The following ZNF831 variants were observed in gnomAD, a reference collection of about 807,000 sequenced individuals.
ZNF831 encodes the protein chromosome 20 open reading frame 174.
ZNF831 carries 59 observed loss-of-function variants against 95.8 expected under a neutral mutation model. The ratio of observed to expected loss-of-function variants is 0.62; its 90% CI spans 0.50 to 0.77. The LOEUF (loss-of-function observed/expected upper bound fraction) is 0.77. ZNF831 is among the 30% of genes least tolerant of loss of function. The pLI, the probability that ZNF831 is intolerant of heterozygous loss-of-function variation, is 0.00. For missense variants in ZNF831, 2,205 were observed against 2,164.0 expected, an observed-to-expected ratio of 1.02 and a Z score of -0.38; for synonymous variants, 961 against 925.5, an observed-to-expected ratio of 1.04 and a Z score of -0.70.
At chr20:59,182,429 A>T (rs1161572917) in intron 1 of ZNF831, among the ~76,000 whole-genome samples, 1 of 152,180 alleles carries the variant, frequency 6.6e-6, no homozygotes, top group Non-Finnish European at 1.5e-5. Flanking sequence ...AGGTTAGGGA[A>T]CTTGCTGAGC....
chr20:59,209,424 G>T (rs1218023340), intron 4 of ZNF831, among the ~76,000 whole-genome samples: 1 of 152,194 alleles, frequency 6.6e-6, no homozygotes, highest in Admixed American at 6.5e-5. Flanking sequence ...TTGGAAATCT[G>T]GATGTAGGGA....
At chr20:59,202,268 T>G (rs1424895523) in intron 3 of ZNF831, among the ~76,000 whole-genome samples, 2 of 152,064 alleles carry the variant, frequency 1.3e-5, no homozygotes, top group African/African-American at 2.4e-5. Context: ...ATTTAATTAT[T>G]TTTTTAATTT....
intron 2 of ZNF831, among the ~76,000 whole-genome samples, chr20:59,152,293 T>C (rs757275045): frequency 1.9e-4 from 28 of 151,022 alleles, no homozygotes; most frequent in Non-Finnish European, 3.1e-4. Flanking sequence ...ACAGGGACTC[T>C]GCTGCTGAGG....
intron 1 of ZNF831, among the ~76,000 whole-genome samples, chr20:59,173,847 A>G (rs1287618392): frequency 6.6e-6 from 1 of 152,148 alleles, no homozygotes; most frequent in Non-Finnish European, 1.5e-5. Flanking sequence ...GATTAGTTAC[A>G]ATGAAAGAGT....
intron 4 of ZNF831, among the ~76,000 whole-genome samples, chr20:59,236,592 C>T (rs1162336717): frequency 2.1e-5 from 3 of 143,086 alleles, no homozygotes; most frequent in African/African-American, 5.2e-5. Context: ...GGTGGGGTTG[C>T]ACCATGTTGT....
At chr20:59,135,072 C>T (rs556742069) in intron 1 of ZNF831, among the ~76,000 whole-genome samples, 37 of 152,170 alleles carry the variant, frequency 2.4e-4, no homozygotes, top group Non-Finnish European at 4.3e-4. Flanking sequence ...TAAGGAATAA[C>T]GACTATTATT....
At position 59,192,425 on chromosome 20, in the gene ZNF831, C is replaced by T. The variant is rs758719507; in HGVS notation, c.1406C>T (p.Pro469Leu). The T allele has an allele frequency of 5.0e-6, 8 of 1,610,120 alleles. No individual in the cohort carries two copies. Among genetic ancestry groups the T allele is most frequent in the Non-Finnish European group, 5.9e-6 (7 of 1,178,564 alleles). Residue 469 changes from proline (P) to leucine (L), a missense_variant, in exon 2 of 6, where the codon CCC (proline) becomes CTC (leucine). Pro to Leu is a moderately conservative substitution (Grantham distance 98). Coordinates refer to ENST00000371030, the MANE Select transcript of ZNF831 (RefSeq NM_178457.3). The surrounding 1 kb of genome is among the most constrained non-coding windows in gnomAD (Gnocchi z 5.2). ...CCAGGCCGTAGGAGGGCCCCGGGCC[C>T]CGTGCGCTCCACCTGGACGCCCCCA... Reference protein sequence around the residue: ...LEPGRRRAPGPVRSTWTPPDK... With the variant: ...LEPGRRRAPGLVRSTWTPPDK...
At chr20:59,204,549 G>A (rs1984748502) in intron 3 of ZNF831, among the ~76,000 whole-genome samples, 1 of 152,184 alleles carries the variant, frequency 6.6e-6, no homozygotes, top group Non-Finnish European at 1.5e-5. Context: ...TCTCTGTGGG[G>A]TCAAGAGAGG....
intron 3 of ZNF831, among the ~76,000 whole-genome samples, chr20:59,205,043 G>C (rs1045490199): frequency 2.6e-5 from 4 of 152,112 alleles, no homozygotes; most frequent in South Asian, 4.1e-4. Context: ...GCCTTTCCTA[G>C]CTCTCTCCTT....
chr20:59,242,992 A>G lies in ZNF831; in HGVS notation c.4028-9986A>G, dbSNP rs140336166. 8.7e-3 allele frequency among the ~76,000 whole-genome samples: 1,327 copies of G among 152,252 alleles called. 25 individuals carry two copies. The highest frequency in any genetic ancestry group is 0.031 in the African/African-American group (1,270 of 41,538). ...ACCAATCATTGTGTAATTCTGTCCT[A>G]TTTTGTTTTATCTTCAGCTACGTGT... On this transcript the variant is annotated intron_variant, in intron 4 of 5. Coordinates refer to ENST00000371030, the MANE Select transcript of ZNF831 (RefSeq NM_178457.3).
At chr20:59,145,836 AG>A (rs1345897899) in intron 1 of ZNF831, among the ~76,000 whole-genome samples, 1 of 152,148 alleles carries the variant, frequency 6.6e-6, no homozygotes, top group Non-Finnish European at 1.5e-5. Flanking sequence ...GTCGGAAAAG[AG>A]GGGACCAAGG....
chr20:59,139,172 C>T (rs1979600178), intron 1 of ZNF831, among the ~76,000 whole-genome samples: 2 of 152,094 alleles, frequency 1.3e-5, no homozygotes, highest in Non-Finnish European at 2.9e-5. Context: ...TTATTTTCTG[C>T]TTAGGCCTTG....
chr20:59,204,055 A>T (rs1984711982), intron 3 of ZNF831, among the ~76,000 whole-genome samples: 2 of 152,234 alleles, frequency 1.3e-5, no homozygotes, highest in African/African-American at 4.8e-5. Flanking sequence ...GGAACAATGA[A>T]TTGTGAAGCC....
intron 1 of ZNF831, among the ~76,000 whole-genome samples, chr20:59,180,905 G>A (rs896091621): frequency 6.6e-6 from 1 of 152,168 alleles, no homozygotes; most frequent in African/African-American, 2.4e-5. Flanking sequence ...TGGGATCGCT[G>A]GGTCAAATGG....
At chr20:59,206,321 T>G (rs1984890469) in intron 3 of ZNF831, among the ~76,000 whole-genome samples, 4 of 151,622 alleles carry the variant, frequency 2.6e-5, no homozygotes, top group Admixed American at 2.6e-4. Flanking sequence ...TGAAGAAAAT[T>G]TATTTGAAGA....
At chr20:59,163,187 TC>T (rs1479105784), upstream of ZNF831, among the ~76,000 whole-genome samples, 2 of 152,108 alleles carry the variant, frequency 1.3e-5, no homozygotes. Context: ...GGTCTAGGAG[TC>T]TTTTGGTGGC....
In ZNF831 at chr20:59,194,062, G is replaced by T. The variant is rs375577002; in HGVS notation, c.3043G>T (p.Asp1015Tyr). Residue 1015 changes from aspartate to tyrosine, a missense_variant, in exon 2 of 6, where the codon GAT becomes TAT. Asp to Tyr is a radical substitution (Grantham distance 160). Transcript: ENST00000371030. ...LEDPSCSRPQ[D>Y]GRKGAQLGGD... ...GGACCCCAGCTGTTCCAGGCCACAGGATGGGAGAAAAGGGGCACAGTTGGG... is the reference window on the plus strand; with the variant it reads ...GGACCCCAGCTGTTCCAGGCCACAGTATGGGAGAAAAGGGGCACAGTTGGG... 16 of 1,531,470 alleles carry T rather than the reference G, an allele frequency of 1.0e-5. No individual in the cohort carries two copies. Among genetic ancestry groups the T allele is most frequent in the Non-Finnish European group, 1.4e-5 (16 of 1,140,822 alleles). 94.9% of individuals were successfully genotyped at this position (1,531,470 alleles called of 1,614,324 possible). A position where few individuals can be genotyped will look rare whatever the true frequency, so the allele number is the denominator to read the frequency against.
In ZNF831 at chr20:59,194,220, C is replaced by T. The variant is rs2146595831; in HGVS notation, c.3201C>T (p.Asp1067=). The T allele has an allele frequency of 6.2e-7, 1 of 1,613,426 alleles. No individual in the cohort carries two copies. Among genetic ancestry groups the T allele is most frequent in the Non-Finnish European group, 8.5e-7 (1 of 1,179,688 alleles). ...TPTCEAHLVQ[D]MEGDSHRIHR... ...CGTGTGAGGCACACTTAGTTCAGGA[C>T]ATGGAGGGTGACAGCCACCGTATCC... is the stretch of plus-strand genomic sequence containing the variant. Residue 1067 remains aspartate (D), a synonymous_variant, in exon 2 of 6, where the codon GAC becomes GAT. Transcript: ENST00000371030.
chr20:59,167,920 G>GT (rs11477823), intron 1 of ZNF831, among the ~76,000 whole-genome samples: 324 of 148,216 alleles, frequency 2.2e-3, no homozygotes, highest in Middle Eastern at 3.5e-3. Flanking sequence ...ATTGATTTAT[G>GT]TTTTTTTTTT....
Sources: allele counts gnomAD v4.1 joint callset (sites outside exome capture counted in the v4.1 genomes callset), GRCh38; gene constraint gnomAD v4.1.1; non-coding constraint Gnocchi (gnomAD v3.1); transcripts MANE v1.5; gene names NCBI Gene and HGNC (gene_info 2026-07-23, HGNC 2026-07-21).